Variants in UBALD1 observed in about 807,000 individuals in gnomAD.
UBALD1 encodes UBA like domain containing 1.
UBALD1 carries 5 observed loss-of-function variants against 16.1 expected under a neutral mutation model. The observed-to-expected ratio is 0.31, with a 90% CI of 0.16 to 0.66. The LOEUF (loss-of-function observed/expected upper bound fraction) is 0.66. Ranked by LOEUF, UBALD1 falls within the 30% of genes least tolerant of loss-of-function variation. The pLI is 0.77. For synonymous variants in UBALD1, 146 were observed against 105.3 expected (o/e 1.39, Z -2.37); for missense variants, 220 against 252.8 (o/e 0.87, Z 0.88).
chr16:4,614,405 A>T, intron 1 of UBALD1: 1 of 319,216 alleles, frequency 3.1e-6, no homozygotes, highest in Non-Finnish European at 5.2e-6. Flanking sequence ...ACCCGGACAA[A>T]AGGGGTGGGG....
intron 1 of UBALD1, 64 bp downstream of exon 1, chr16:4,614,614 G>A (rs1897403028): frequency 2.9e-5 from 37 of 1,291,344 alleles, no homozygotes; most frequent in Admixed American, 8.4e-5. Flanking sequence ...GCCCCCGCCC[G>A]GCGGCCACGC....
Position 4,609,712 on chromosome 16 carries a change from G to T in UBALD1, c.455C>A (p.Ala152Asp). The T allele has an allele frequency of 5.4e-6, 8 of 1,485,014 alleles. No individual in the cohort carries two copies. The highest frequency in any genetic ancestry group is 7.1e-6 in the Non-Finnish European group (8 of 1,119,830). The allele number at this position is 1,485,014 out of a possible 1,614,324, so 92.0% of individuals were successfully genotyped here. ...PLWTPTPPSPASDWPPLAPQQ... is the reference protein window; with the variant it reads ...PLWTPTPPSPDSDWPPLAPQQ... ...GGGGGCCAGGGGTGGCCAGTCTGAA[G>T]CCGGAGAAGGGGGTGTTGGAGTCCA... Residue 152 changes from alanine to aspartate, a missense_variant, in exon 3 of 3, where the codon GCT becomes GAT. Physicochemically the swap from Ala to Asp is moderately radical, Grantham distance 126. Transcript: ENST00000283474.
At chr16:4,610,470 C>T in intron 2 of UBALD1, 23 bp downstream of exon 2, 1 of 1,590,904 alleles carries the variant, frequency 6.3e-7, no homozygotes, top group Non-Finnish European at 8.6e-7. Context: ...CAATCCAGAA[C>T]TGGGGACTCC....
Position 4,609,724 on chromosome 16 carries a change from G to A in UBALD1, c.443C>T (p.Pro148Leu). 1.3e-6 allele frequency: 2 copies of A among 1,487,246 alleles called. No individual in the cohort carries two copies. Among genetic ancestry groups the A allele is most frequent in the Non-Finnish European group, 1.8e-6 (2 of 1,121,122 alleles). 92.1% of individuals were successfully genotyped at this position (1,487,246 alleles called of 1,614,324 possible). The change falls in exon 3 of 3, where the codon CCC becomes CTC. Residue 148 changes from proline (P) to leucine (L), a missense_variant. Pro to Leu is a moderately conservative substitution (Grantham distance 98). Transcript: ENST00000283474. Reference sequence around the variant, plus strand: ...TGGCCAGTCTGAAGCCGGAGAAGGGGGTGTTGGAGTCCACAGGGGCGGCTG... The same window carrying A: ...TGGCCAGTCTGAAGCCGGAGAAGGGAGTGTTGGAGTCCACAGGGGCGGCTG... ...QPQPPLWTPTPPSPASDWPPL... is the reference protein window; with the variant it reads ...QPQPPLWTPTLPSPASDWPPL...
In UBALD1 at chr16:4,609,132, T is replaced by C. The variant is rs950317340; in HGVS notation, c.*501A>G. The stretch of plus-strand genomic sequence containing the variant: ...AGGGGGCTGGGGGCTCACACTAACA[T>C]GCAAAGTCCAGCTGCCCCAGGAACT... On this transcript the variant is annotated 3_prime_UTR_variant, in exon 3 of 3. Coordinates refer to ENST00000283474, the MANE Select transcript of UBALD1 (RefSeq NM_145253.3). The C allele has an allele frequency of 2.0e-5, 3 of 152,616 alleles. No homozygotes were observed. The highest frequency in any genetic ancestry group is 7.3e-5 in the African/African-American group (3 of 41,328). 9.5% of individuals were successfully genotyped at this position (152,616 alleles called of 1,614,324 possible).
rs540829723 is a variant in UBALD1, at chr16:4,610,446, G to C, written c.183+47C>G. On this transcript the variant is annotated intron_variant, in intron 2 of 2. Coordinates refer to ENST00000283474, the MANE Select transcript of UBALD1 (RefSeq NM_145253.3). Reference sequence around the variant, plus strand: ...GGCTGCTTATACACAGAACTAGCTCGGCCTCCTTCCGCCCAATCCAGAACT... The same window carrying C: ...GGCTGCTTATACACAGAACTAGCTCCGCCTCCTTCCGCCCAATCCAGAACT... 4.5e-6 allele frequency: 7 copies of C among 1,558,308 alleles called. No individual in the cohort carries two copies. The African/African-American group carries it at 8.2e-5, about 18-fold the overall frequency.
chr16:4,609,871 G>A lies in UBALD1; in HGVS notation c.296C>T (p.Pro99Leu), dbSNP rs925264658. The change falls in exon 3 of 3, where the codon CCG becomes CTG. Residue 99 changes from proline to leucine, a missense_variant. Transcript: ENST00000283474. Reference protein sequence around the residue: ...ESFHSGGSGSPMAATATSPPP... With the variant: ...ESFHSGGSGSLMAATATSPPP... ...GGGTGACGTGGCTGTCGCGGCCATC[G>A]GGCTGCCGCTGCCACCGCTGTGGAA... 1.2e-5 allele frequency: 19 copies of A among 1,537,676 alleles called. No homozygotes were observed. The highest frequency in any genetic ancestry group is 1.4e-5 in the Non-Finnish European group (16 of 1,141,298).
intron 1 of UBALD1, 176 bp downstream of exon 1, chr16:4,614,502 C>T: frequency 2.6e-6 from 3 of 1,139,606 alleles, no homozygotes; most frequent in Non-Finnish European, 3.5e-6. Flanking sequence ...CCTCCGCCCG[C>T]CGCGAGCCCT....
chr16:4,610,726 G>A (rs1897348830), intron 1 of UBALD1, 171 bp from the exon 2 acceptor site: 5 of 692,058 alleles, frequency 7.2e-6, no homozygotes, highest in African/African-American at 5.4e-5. Flanking sequence ...AACCCTCACT[G>A]CTGTCTAAGG....
intron 1 of UBALD1, chr16:4,610,833 C>T (rs1897350013): frequency 2.2e-6 from 1 of 460,360 alleles, no homozygotes; most frequent in Non-Finnish European, 3.8e-6. Context: ...CAGAGCCCTC[C>T]CCCTGCACCA....
intron 1 of UBALD1, 130 bp downstream of exon 1, chr16:4,614,548 C>G (rs1246542217): frequency 7.6e-7 from 1 of 1,308,158 alleles, no homozygotes; most frequent in Non-Finnish European, 9.9e-7. Flanking sequence ...GTCGGGAAAG[C>G]GGGTCGGGTC....
intron 1 of UBALD1, among the ~76,000 whole-genome samples, chr16:4,612,186 C>T (rs1897366473): frequency 6.6e-6 from 1 of 151,736 alleles, no homozygotes; most frequent in South Asian, 2.1e-4. Context: ...GCCTCAGCCT[C>T]CCGAGTAGCT....
intron 1 of UBALD1, 111 bp from the exon 2 acceptor site, chr16:4,610,666 G>T: frequency 2.4e-6 from 3 of 1,257,680 alleles, no homozygotes; most frequent in African/African-American, 1.5e-5. Context: ...ACTGCTGAGT[G>T]GGAGGGGTGA....
chr16:4,610,952 C>A (rs922287681), intron 1 of UBALD1: 3 of 399,370 alleles, frequency 7.5e-6, no homozygotes, highest in African/African-American at 6.2e-5. Flanking sequence ...TGCCCCGTTT[C>A]AGGAGATTCT....
intron 1 of UBALD1, 65 bp downstream of exon 1, chr16:4,614,613 C>T (rs1449277110): frequency 6.2e-6 from 8 of 1,292,624 alleles, no homozygotes; most frequent in East Asian, 3.2e-5. Context: ...CGCCCCCGCC[C>T]GGCGGCCACG....
chr16:4,614,261 C>A (rs911141510), intron 1 of UBALD1: 2 of 350,814 alleles, frequency 5.7e-6, no homozygotes, highest in Non-Finnish European at 1.0e-5. Flanking sequence ...CCACCAGGCA[C>A]GCGGACCCTC....
chr16:4,612,915 G>C (rs1037640441), intron 1 of UBALD1, among the ~76,000 whole-genome samples: 5 of 151,892 alleles, frequency 3.3e-5, no homozygotes, highest in African/African-American at 1.2e-4. Flanking sequence ...AGAGGCCCCA[G>C]ATGCTCCTGC....
At chr16:4,613,621 G>A (rs1897384483) in intron 1 of UBALD1, among the ~76,000 whole-genome samples, 1 of 152,166 alleles carries the variant, frequency 6.6e-6, no homozygotes, top group Non-Finnish European at 1.5e-5. Flanking sequence ...AGATGGTACC[G>A]GGATGGCTGA....
At chr16:4,613,546 C>G (rs1361190809) in intron 1 of UBALD1, among the ~76,000 whole-genome samples, 1 of 152,142 alleles carries the variant, frequency 6.6e-6, no homozygotes, top group Non-Finnish European at 1.5e-5. Flanking sequence ...GGCTTCTAGT[C>G]CCTCCTGCAG....
Sources: allele counts gnomAD v4.1 joint callset (sites outside exome capture counted in the v4.1 genomes callset), GRCh38; gene constraint gnomAD v4.1.1; transcripts MANE v1.5; gene names NCBI Gene and HGNC (gene_info 2026-07-23, HGNC 2026-07-21).